The following CHPF variants were observed in gnomAD, a reference collection of about 807,000 sequenced individuals.
CHPF encodes the protein chondroitin polymerizing factor, non-catalytic subunit.
In CHPF, 34 loss-of-function variants were observed where a neutral mutation model predicts 55.1. The observed-to-expected ratio is 0.62, with a 90% CI of 0.47 to 0.82. The LOEUF (loss-of-function observed/expected upper bound fraction) is 0.82, where lower values mean the gene tolerates loss of function less well. Among genes scored for constraint, CHPF ranks in the 40% least tolerant of loss-of-function variants. CHPF has a pLI of 0.00. For synonymous variants in CHPF, 489 were observed against 496.6 expected (o/e 0.98, Z 0.20); for missense variants, 961 against 1,106.1 (o/e 0.87, Z 1.86).
rs1219094444 is a variant in CHPF at position 219,539,556 on chromosome 2, C to T, written c.2155G>A (p.Val719Met). The T allele has an allele frequency of 6.2e-7, 1 of 1,613,844 alleles. No individual in the cohort carries two copies. Among genetic ancestry groups the T allele is most frequent in the East Asian group, 2.2e-5 (1 of 44,888 alleles). The change falls in exon 4 of 4, where the codon GTG becomes ATG. Residue 719 changes from valine (V) to methionine (M), a missense_variant. Coordinates refer to ENST00000243776, the MANE Select transcript of CHPF (RefSeq NM_024536.6). ...AGCGCCGGCTCCACCGCCCGCAGCA[C>T]ATGCAGACTGGAGAAGTGGAGGAAC... ...ELFLHFSSLH[V>M]LRAVEPALLQ...
In CHPF at chr2:219,540,335, C is replaced by T. The variant is rs746407058; in HGVS notation, c.1376G>A (p.Arg459Gln). The T allele has an allele frequency of 2.0e-5, 33 of 1,613,946 alleles. No homozygotes were observed. Among genetic ancestry groups the T allele is most frequent in the Non-Finnish European group, 2.6e-5 (31 of 1,179,976 alleles). ...CAAGTCCAGCGTGTATTCCATACCC[C>T]GGGCCGGATCAAAGCGTCGGTAGCC... ...VNGYRRFDPA[R>Q]GMEYTLDLQL... Residue 459 changes from arginine (R) to glutamine (Q), a missense_variant, in exon 4 of 4, where the codon CGG becomes CAG. By Grantham distance (43) the Arg-to-Gln change is conservative. Coordinates refer to ENST00000243776, the MANE Select transcript of CHPF (RefSeq NM_024536.6).
intron 3 of CHPF, 94 bp from the exon 4 acceptor site, chr2:219,540,736 G>T: frequency 7.4e-7 from 1 of 1,353,698 alleles, no homozygotes; most frequent in Non-Finnish European, 1.0e-6. Context: ...CACTCAGGAT[G>T]GGCCCCTCAT....
At chr2:219,543,107 C>G (rs1695312842) in intron 1 of CHPF, 118 bp downstream of exon 1, 5 of 1,364,996 alleles carry the variant, frequency 3.7e-6, no homozygotes, top group African/African-American at 3.1e-5. Context: ...TATCGGGGCC[C>G]AAAGACTTCC....
In CHPF at chr2:219,541,771, C is replaced by T; in HGVS notation, c.733G>A (p.Gly245Arg). ...CGCGACAGCAGCACCCCAAAGCCTCCGTGGCAGTAGCGGCCGGGGGTGGGC... is the reference window on the plus strand; with the variant it reads ...CGCGACAGCAGCACCCCAAAGCCTCTGTGGCAGTAGCGGCCGGGGGTGGGC... ...GEPTPGRYCHGGFGVLLSRML... is the reference protein window; with the variant it reads ...GEPTPGRYCHRGFGVLLSRML... The change falls in exon 2 of 4, where the codon GGA becomes AGA. Residue 245 changes from glycine (G) to arginine (R), a missense_variant. Around this residue, in one of 3 missense-constraint regions of CHPF, gnomAD observed 936 missense variants for 1,058.4 expected, o/e 0.88. Coordinates refer to ENST00000243776, the MANE Select transcript of CHPF (RefSeq NM_024536.6). 1 of 1,609,382 alleles carries T rather than the reference C, an allele frequency of 6.2e-7. No individual in the cohort carries two copies. Among genetic ancestry groups the T allele is most frequent in the Non-Finnish European group, 8.5e-7 (1 of 1,177,778 alleles).
chr2:219,543,142 G>A (rs1441700992), intron 1 of CHPF, 83 bp downstream of exon 1: 34 of 1,373,052 alleles, frequency 2.5e-5, no homozygotes, highest in Non-Finnish European at 3.0e-5. Flanking sequence ...CTTCCTTCCG[G>A]AGCCTGACCC....
At position 219,541,776 on chromosome 2, in the gene CHPF, C is replaced by A; in HGVS notation, c.728G>T (p.Cys243Phe). Residue 243 changes from cysteine (C) to phenylalanine (F), a missense_variant, in exon 2 of 4, where the codon TGC becomes TTC. Cys to Phe is a radical substitution (Grantham distance 205, BLOSUM62 -2). Coordinates refer to ENST00000243776, the MANE Select transcript of CHPF (RefSeq NM_024536.6). ...IGGEPTPGRY[C>F]HGGFGVLLSR... is the part of the protein sequence containing the mutation. The stretch of plus-strand genomic sequence containing the variant: ...CAGCAGCACCCCAAAGCCTCCGTGG[C>A]AGTAGCGGCCGGGGGTGGGCTCTCC... 1 of 1,608,760 alleles carries A rather than the reference C, an allele frequency of 6.2e-7. No homozygotes were observed. Among genetic ancestry groups the A allele is most frequent in the Non-Finnish European group, 8.5e-7 (1 of 1,177,410 alleles).
rs143468489 is a variant in CHPF at position 219,540,956 on chromosome 2, T to C, written c.1058A>G (p.Gln353Arg). ...AGACCTAGACCATACCTGTAACTCC[T>C]GGATCTCCTGGTACGTGCGTTCCAG... ...AELERTYQEI[Q>R]ELQWEIQNTS... The change falls in exon 3 of 4, where the codon CAG (glutamine) becomes CGG (arginine). Residue 353 changes from glutamine (Q) to arginine (R), a missense_variant. This residue lies in a region of CHPF where 936 missense variants were observed against 1,058.4 expected (regional missense o/e 0.88). Transcript: ENST00000243776. 9 of 1,613,720 alleles carry C rather than the reference T, an allele frequency of 5.6e-6. No individual in the cohort carries two copies. In the East Asian group the frequency reaches 6.7e-5, roughly 12 times the overall value.
chr2:219,541,817 G>A lies in CHPF; in HGVS notation c.687C>T (p.Pro229=). ...TGGGCTCTCCGCCGATGAAGTCCTG[G>A]GGCCGGCCCAGGTACAGGTGGGCGG... is the stretch of plus-strand genomic sequence containing the variant. The part of the protein sequence containing the change: ...ASAAHLYLGR[P]QDFIGGEPTP... The change falls in exon 2 of 4, where the codon CCC becomes CCT. Residue 229 remains proline, a synonymous_variant. Transcript: ENST00000243776. 1.9e-6 allele frequency: 3 copies of A among 1,607,596 alleles called. No homozygotes were observed. Among genetic ancestry groups the A allele is most frequent in the Non-Finnish European group, 2.5e-6 (3 of 1,176,768 alleles).
intron 1 of CHPF, 116 bp from the exon 2 acceptor site, chr2:219,542,305 A>G: frequency 1.3e-6 from 1 of 762,434 alleles, no homozygotes; most frequent in South Asian, 2.0e-5. Flanking sequence ...TCTCTCACCT[A>G]TGAATAGGTT....
chr2:219,540,498 A>T lies in CHPF; in HGVS notation c.1213T>A (p.Cys405Ser). The T allele has an allele frequency of 2.5e-6, 4 of 1,614,048 alleles. No individual in the cohort carries two copies. Among genetic ancestry groups the T allele is most frequent in the Non-Finnish European group, 3.4e-6 (4 of 1,179,998 alleles). ...DYFTEQHAFSCADGSPRCPLR... is the reference protein window; with the variant it reads ...DYFTEQHAFSSADGSPRCPLR... ...GGGCAGCGGGGTGAGCCATCGGCGCAGGAGAAAGCGTGCTGCTCCGTGAAG... is the reference window on the plus strand; with the variant it reads ...GGGCAGCGGGGTGAGCCATCGGCGCTGGAGAAAGCGTGCTGCTCCGTGAAG... The change falls in exon 4 of 4, where the codon TGC becomes AGC. Residue 405 changes from cysteine (C) to serine (S), a missense_variant. Transcript: ENST00000243776.
At chr2:219,540,905 C>T in intron 3 of CHPF, 41 bp downstream of exon 3, 1 of 1,597,874 alleles carries the variant, frequency 6.3e-7, no homozygotes. Flanking sequence ...CTTCTCAGAT[C>T]CTGTCCCCGT....
At position 219,541,096 on chromosome 2, in the gene CHPF, G is replaced by A. The variant is rs1401820580; in HGVS notation, c.918C>T (p.Ser306=). 1.9e-6 allele frequency: 3 copies of A among 1,610,958 alleles called. No individual in the cohort carries two copies. Among genetic ancestry groups the A allele is most frequent in the East Asian group, 4.5e-5 (2 of 44,806 alleles). ...EGVHYSHLEL[S]PGEPVQEGDP... ...CCCCCTCCTGCACTGGCTCCCCAGG[G>A]CTCAGCTCCAGATGGCTATAGTGCA... Residue 306 remains serine (S), a synonymous_variant, in exon 3 of 4, where the codon AGC becomes AGT. Coordinates refer to ENST00000243776, the MANE Select transcript of CHPF (RefSeq NM_024536.6).
In CHPF at chr2:219,539,700, G is replaced by A. The variant is rs550028947; in HGVS notation, c.2011C>T (p.Arg671Cys). Residue 671 changes from arginine to cysteine, a missense_variant, in exon 4 of 4, where the codon CGC (arginine) becomes TGC (cysteine). Arg to Cys is a radical substitution (Grantham distance 180, BLOSUM62 -3). Coordinates refer to ENST00000243776, the MANE Select transcript of CHPF (RefSeq NM_024536.6). The part of the protein sequence containing the change: ...ELGRDTGRFD[R>C]QAASEACFYN... ...AAGCAGGCCTCGCTGGCTGCCTGGCGATCAAAGCGGCCAGTGTCACGGCCC... is the reference window on the plus strand; with the variant it reads ...AAGCAGGCCTCGCTGGCTGCCTGGCAATCAAAGCGGCCAGTGTCACGGCCC... 2.4e-5 allele frequency: 39 copies of A among 1,613,416 alleles called. No homozygotes were observed. The highest frequency in any genetic ancestry group is 3.3e-4 in the Middle Eastern group (2 of 6,060).
At position 219,539,964 on chromosome 2, in the gene CHPF, G is replaced by A. The variant is rs1319765383; in HGVS notation, c.1747C>T (p.Pro583Ser). ...LERRFPGARV[P>S]WLSVQTAAPS... ...GCGGCTGTCTGCACACTGAGCCATG[G>A]CACCCGGGCACCGGGGAAACGCCGC... is the stretch of plus-strand genomic sequence containing the variant. Residue 583 changes from proline to serine, a missense_variant, in exon 4 of 4, where the codon CCA becomes TCA. This residue lies in a region of CHPF where 936 missense variants were observed against 1,058.4 expected (regional missense o/e 0.88). Coordinates refer to ENST00000243776, the MANE Select transcript of CHPF (RefSeq NM_024536.6). 1 of 1,613,762 alleles carries A rather than the reference G, an allele frequency of 6.2e-7. No individual in the cohort carries two copies. Among genetic ancestry groups the A allele is most frequent in the East Asian group, 2.2e-5 (1 of 44,876 alleles).
At chr2:219,542,235 GGGGGT>G in intron 1 of CHPF, 46 bp from the exon 2 acceptor site, 2 of 312,182 alleles carry the variant, frequency 6.4e-6, no homozygotes, top group Admixed American at 5.1e-5. Context: ...CAACGGGGCG[GGGGGT>G]GGGGGGGAGG....
rs1401116405 is a variant in CHPF, at chr2:219,542,004, G to A, written c.500C>T (p.Thr167Met). 4 of 1,602,002 alleles carry A rather than the reference G, an allele frequency of 2.5e-6. No homozygotes were observed. Among genetic ancestry groups the A allele is most frequent in the Non-Finnish European group, 8.5e-7 (1 of 1,175,822 alleles). Residue 167 changes from threonine (T) to methionine (M), a missense_variant, in exon 2 of 4, where the codon ACG becomes ATG. Thr to Met is a moderately conservative substitution (Grantham distance 81). Transcript: ENST00000243776. The stretch of plus-strand genomic sequence containing the variant: ...TCCAATGGGTCGCTCCTCGCCTAGC[G>A]TCACCACTGCCATGCCAGGTGGGGC... ...RRAPPGMAVV[T>M]LGEERPIGHL... is the part of the protein sequence containing the mutation.
At position 219,541,093 on chromosome 2, in the gene CHPF, A is replaced by C. The variant is rs1574500447; in HGVS notation, c.921T>G (p.Pro307=). The C allele has an allele frequency of 6.2e-7, 1 of 1,611,444 alleles. No homozygotes were observed. Among genetic ancestry groups the C allele is most frequent in the Non-Finnish European group, 8.5e-7 (1 of 1,178,958 alleles). ...GVHYSHLELS[P]GEPVQEGDPH... ...GGTCCCCCTCCTGCACTGGCTCCCC[A>C]GGGCTCAGCTCCAGATGGCTATAGT... is the stretch of plus-strand genomic sequence containing the variant. The change falls in exon 3 of 4, where the codon CCT becomes CCG. Residue 307 remains proline (P), a synonymous_variant. Coordinates refer to ENST00000243776, the MANE Select transcript of CHPF (RefSeq NM_024536.6).
Position 219,543,241 on chromosome 2 carries a change from C to A in CHPF, c.298G>T (p.Ala100Ser). 1.3e-6 allele frequency: 2 copies of A among 1,554,750 alleles called. No homozygotes were observed. Among genetic ancestry groups the A allele is most frequent in the Middle Eastern group, 1.9e-4 (1 of 5,220 alleles). The change falls in exon 1 of 4, where the codon GCC becomes TCC. Residue 100 changes from alanine (A) to serine (S), a missense_variant. Physicochemically the swap from Ala to Ser is moderately conservative, Grantham distance 99 (BLOSUM62 1). Coordinates refer to ENST00000243776, the MANE Select transcript of CHPF (RefSeq NM_024536.6). ...PYHPAQPGQA[A>S]KKAVRTRYIS... ...GATCACTACCTGACGGCCTTTTTGG[C>A]GGCCTGGCCGGGCTGTGCAGGGTGG...
rs767216542 is a variant in CHPF, at chr2:219,539,636, G to A, written c.2075C>T (p.Ala692Val). The A allele has an allele frequency of 1.5e-5, 24 of 1,613,240 alleles. No individual in the cohort carries two copies. Among genetic ancestry groups the A allele is most frequent in the East Asian group, 2.2e-5 (1 of 44,880 alleles). ...SDYVAARGRLAAASEQEEELL... is the reference protein window; with the variant it reads ...SDYVAARGRLVAASEQEEELL... Reference sequence around the variant, plus strand: ...CTCCTCTTCTTGTTCTGAGGCTGCCGCCAGGCGCCCACGGGCTGCCACATA... The same window carrying A: ...CTCCTCTTCTTGTTCTGAGGCTGCCACCAGGCGCCCACGGGCTGCCACATA... Residue 692 changes from alanine to valine, a missense_variant, in exon 4 of 4, where the codon GCG becomes GTG. Ala to Val is a moderately conservative substitution (Grantham distance 64, BLOSUM62 0). Transcript: ENST00000243776.
Sources: gnomAD v4.1 joint callset for allele counts on GRCh38, gnomAD v4.1.1 for gene constraint, gnomAD v4.1.1 regional missense constraint, MANE v1.5 for transcripts, NCBI Gene and HGNC (gene_info 2026-07-23, HGNC 2026-07-21) for gene names.